Variants in C8orf34 observed in about 807,000 individuals in gnomAD.
C8orf34 encodes chromosome 8 open reading frame 34.
Under a neutral mutation model 68.3 loss-of-function variants are expected in C8orf34, and 65 were observed. The observed-to-expected ratio is 0.95, with a 90% CI of 0.78 to 1.17. The LOEUF (loss-of-function observed/expected upper bound fraction) is 1.17. C8orf34 is among the 50% of genes most tolerant of loss of function. The pLI is 0.00. For synonymous variants in C8orf34, 244 were observed against 241.2 expected (o/e 1.01, Z -0.11); for missense variants, 664 against 655.4 (o/e 1.01, Z -0.14).
intron 7 of C8orf34, among the ~76,000 whole-genome samples, chr8:68,557,218 A>G (rs2130122035): frequency 6.6e-6 from 1 of 152,272 alleles, no homozygotes; most frequent in Middle Eastern, 3.4e-3. Context: ...CTTGTTACCT[A>G]TTTATATTTG....
At chr8:68,635,634 A>G (rs1417571377) in intron 7 of C8orf34, among the ~76,000 whole-genome samples, 1 of 152,238 alleles carries the variant, frequency 6.6e-6, no homozygotes, top group Non-Finnish European at 1.5e-5. Context: ...GCCATTTAGT[A>G]CAATGCTTCT....
At chr8:68,720,581 C>A (rs149827364) in intron 9 of C8orf34, among the ~76,000 whole-genome samples, 16 of 150,664 alleles carry the variant, frequency 1.1e-4, no homozygotes, top group African/African-American at 3.9e-4. Context: ...GTTTAAAATA[C>A]CTTTCTCTTA....
At chr8:68,650,068 G>C (rs1819300122) in intron 8 of C8orf34, among the ~76,000 whole-genome samples, 1 of 140,684 alleles carries the variant, frequency 7.1e-6, no homozygotes, top group Non-Finnish European at 1.6e-5. Flanking sequence ...AAAAAAAAAA[G>C]AAATATTAAA....
rs150489855 is a variant in C8orf34, at chr8:68,680,757, A to G, written c.1242-28237A>G. On this transcript the variant is annotated intron_variant, in intron 8 of 13. Coordinates refer to ENST00000518698, the MANE Select transcript of C8orf34 (RefSeq NM_052958.4). The stretch of plus-strand genomic sequence containing the variant: ...CAGCAGTGCACCTATTGTCTTGATA[A>G]ACATCTTAAACAACAGAAAACAGGG... Among the ~76,000 whole-genome samples the G allele has an allele frequency of 6.8e-3, 1,029 of 152,216 alleles. 22 individuals are homozygous for G. Among genetic ancestry groups the G allele is most frequent in the African/African-American group, 0.023 (957 of 41,536 alleles).
At chr8:68,683,103 T>C (rs1191413587) in intron 8 of C8orf34, among the ~76,000 whole-genome samples, 1 of 152,010 alleles carries the variant, frequency 6.6e-6, no homozygotes, top group African/African-American at 2.4e-5. Context: ...AGATGATTTA[T>C]AGTTGAATTT....
In C8orf34 at chr8:68,809,613, C is replaced by G. The variant is rs573309121; in HGVS notation, c.1550-6273C>G. 2.6e-5 allele frequency among the ~76,000 whole-genome samples: 4 copies of G among 152,224 alleles called. No homozygotes were observed. The East Asian group carries it at 5.8e-4, about 22-fold the overall frequency. ...GTGAGACTCCAAAACAAAAAAGAAC[C>G]CATTACTCAGGATTTTCATCATGTA... On this transcript the variant is annotated intron_variant, in intron 12 of 13. Transcript: ENST00000518698.
chr8:68,745,842 C>G lies in C8orf34; in HGVS notation c.1404+24405C>G, dbSNP rs374117741. 3.6e-4 allele frequency among the ~76,000 whole-genome samples: 55 copies of G among 152,268 alleles called. No individual in the cohort carries two copies. The East Asian group carries it at 5.4e-3, about 15-fold the overall frequency. ...ACAGATCAACGAGACAGAAAGTCAACAAGGATACCCAGGAATTGAACTCAG... is the reference window on the plus strand; with the variant it reads ...ACAGATCAACGAGACAGAAAGTCAAGAAGGATACCCAGGAATTGAACTCAG... On this transcript the variant is annotated intron_variant, in intron 10 of 13. Transcript: ENST00000518698.
At chr8:68,678,683 A>T (rs1820267767) in intron 8 of C8orf34, among the ~76,000 whole-genome samples, 1 of 152,178 alleles carries the variant, frequency 6.6e-6, no homozygotes, top group Non-Finnish European at 1.5e-5. Flanking sequence ...GATCTGGAAC[A>T]CAGCAAGGAT....
At chr8:68,766,026 A>G (rs1472102547) in intron 10 of C8orf34, among the ~76,000 whole-genome samples, 1 of 152,208 alleles carries the variant, frequency 6.6e-6, no homozygotes, top group African/African-American at 2.4e-5. Flanking sequence ...TGAAAAAAAA[A>G]TTAGAGACAC....
At chr8:68,591,637 G>C (rs1817390828) in intron 7 of C8orf34, among the ~76,000 whole-genome samples, 1 of 152,088 alleles carries the variant, frequency 6.6e-6, no homozygotes, top group African/African-American at 2.4e-5. Context: ...ACTCTATCTC[G>C]TTCGACGTTA....
intron 5 of C8orf34, among the ~76,000 whole-genome samples, chr8:68,515,541 T>C (rs1343313156): frequency 6.6e-6 from 1 of 152,158 alleles, no homozygotes; most frequent in Non-Finnish European, 1.5e-5. Context: ...CCATTTATAA[T>C]TGATATTGTG....
At chr8:68,614,363 C>A (rs1818125780) in intron 7 of C8orf34, among the ~76,000 whole-genome samples, 1 of 152,092 alleles carries the variant, frequency 6.6e-6, no homozygotes, top group South Asian at 2.1e-4. Flanking sequence ...AAGTCCTTGC[C>A]CATGCCTATG....
intron 4 of C8orf34, among the ~76,000 whole-genome samples, chr8:68,471,925 A>AACAC (rs10596354): frequency 0.043 from 6,389 of 147,382 alleles, 258 homozygotes; most frequent in African/African-American, 0.11. Flanking sequence ...GACTTAAATG[A>AACAC]ACACACACAC....
At chr8:68,587,864 A>C (rs1194425039) in intron 7 of C8orf34, among the ~76,000 whole-genome samples, 1 of 152,012 alleles carries the variant, frequency 6.6e-6, no homozygotes, top group Non-Finnish European at 1.5e-5. Context: ...GTCATGAGAC[A>C]GAGAGAGAGA....
At chr8:68,758,869 A>T (rs577756309) in intron 10 of C8orf34, among the ~76,000 whole-genome samples, 1 of 152,176 alleles carries the variant, frequency 6.6e-6, no homozygotes, top group African/African-American at 2.4e-5. Context: ...AAATTGTTCT[A>T]AACTCAGCAG....
At chr8:68,642,090 G>A (rs1194322394) in intron 8 of C8orf34, among the ~76,000 whole-genome samples, 11 of 152,140 alleles carry the variant, frequency 7.2e-5, no homozygotes. Context: ...ACAACCAATA[G>A]GTAGAAAAAC....
intron 1 of C8orf34, among the ~76,000 whole-genome samples, chr8:68,426,558 C>CA (rs918278045): frequency 2.4e-5 from 3 of 125,182 alleles, no homozygotes; most frequent in African/African-American, 8.9e-5. Context: ...AGAAAAAAAG[C>CA]AAAAAAGAAA....
intron 8 of C8orf34, among the ~76,000 whole-genome samples, chr8:68,650,726 G>A (rs532985560): frequency 6.6e-5 from 10 of 152,040 alleles, no homozygotes; most frequent in South Asian, 2.1e-4. Context: ...TGATCCGCCC[G>A]CCTCGGCCTC....
intron 8 of C8orf34, among the ~76,000 whole-genome samples, chr8:68,705,904 A>AG (rs779456352): frequency 3.3e-5 from 5 of 152,212 alleles, no homozygotes; most frequent in African/African-American, 4.8e-5. Context: ...AGCCTTACAC[A>AG]GGAGACAGGG....
Sources: allele counts gnomAD v4.1 joint callset (sites outside exome capture counted in the v4.1 genomes callset), GRCh38; gene constraint gnomAD v4.1.1; transcripts MANE v1.5; gene names NCBI Gene and HGNC (gene_info 2026-07-23, HGNC 2026-07-21).